Variants in HDAC4 observed in about 807,000 individuals in gnomAD.
The protein encoded by HDAC4 is histone deacetylase A.
HDAC4 carries 16 observed loss-of-function variants against 135.1 expected under a neutral mutation model. The observed-to-expected ratio is 0.12, with a 90% confidence interval of 0.08 to 0.18. HDAC4 has a LOEUF of 0.18. Among genes scored for constraint, HDAC4 ranks in the 10% least tolerant of loss-of-function variants. HDAC4 has a pLI of 1.00. For missense variants in HDAC4, 1,143 were observed against 1,511.8 expected, an observed-to-expected ratio of 0.76 and a Z score of 4.05; for synonymous variants, 685 against 653.4, an observed-to-expected ratio of 1.05 and a Z score of -0.74.
At chr2:239,266,807 T>C (rs2049759870) in intron 2 of HDAC4, among the ~76,000 whole-genome samples, 1 of 152,060 alleles carries the variant, frequency 6.6e-6, no homozygotes, top group Non-Finnish European at 1.5e-5. Context: ...ACTGACGGTG[T>C]CTACAAGGCA....
Position 239,134,267 on chromosome 2 carries a change from C to T in HDAC4, c.1272G>A (p.Pro424=), listed in dbSNP as rs758778695. ...CACCTGTGACGAGGGGTGCTTGTGC[C>T]GGCGGCTGCTCCAGTAAGACCATGT... ...LQHMVLLEQP[P]AQAPLVTDWY... is the part of the protein sequence containing the mutation. Residue 424 remains proline (P), a synonymous_variant, in exon 11 of 27, where the codon CCG becomes CCA. Coordinates refer to ENST00000543185, the MANE Select transcript of HDAC4 (RefSeq NM_001378414.1). 2.2e-5 allele frequency: 36 copies of T among 1,611,972 alleles called. No individual in the cohort carries two copies. The highest frequency in any genetic ancestry group is 1.8e-4 in the South Asian group (16 of 91,078).
chr2:239,210,909 G>A (rs1050798610), intron 3 of HDAC4, among the ~76,000 whole-genome samples: 1 of 152,112 alleles, frequency 6.6e-6, no homozygotes, highest in Non-Finnish European at 1.5e-5. Context: ...CTATTCCTTC[G>A]CCGGCCAACT....
intron 9 of HDAC4, among the ~76,000 whole-genome samples, chr2:239,136,255 C>T (rs924597678): frequency 1.3e-5 from 2 of 152,172 alleles, no homozygotes; most frequent in Non-Finnish European, 2.9e-5. Context: ...ATGACAGCAA[C>T]GTTTTTAGCT....
intron 2 of HDAC4, among the ~76,000 whole-genome samples, chr2:239,267,935 T>G (rs1013802352): frequency 4.6e-5 from 7 of 152,232 alleles, no homozygotes; most frequent in Non-Finnish European, 8.8e-5. Flanking sequence ...TAAGAATGAG[T>G]GCACTTTCCT....
chr2:239,193,883 T>A (rs1054902906), intron 3 of HDAC4, among the ~76,000 whole-genome samples: 8 of 152,240 alleles, frequency 5.3e-5, no homozygotes, highest in Non-Finnish European at 1.2e-4. Flanking sequence ...CCAAAGCATC[T>A]AATAGAGATG....
At chr2:239,094,321 C>T (rs1171135729) in intron 17 of HDAC4, 1 of 985,342 alleles carries the variant, frequency 1.0e-6, no homozygotes, top group Non-Finnish European at 1.2e-6. Flanking sequence ...GATTGCAAGA[C>T]CTGACCCTTC....
chr2:239,103,474 T>C (rs1342155847), intron 15 of HDAC4, among the ~76,000 whole-genome samples: 1 of 152,214 alleles, frequency 6.6e-6, no homozygotes, highest in African/African-American at 2.4e-5. Flanking sequence ...CACAGGAAAA[T>C]TAGTGTTCTT....
chr2:239,329,489 C>CACACCCCTCCTCCCACCGGG (rs549579983), intron 2 of HDAC4, among the ~76,000 whole-genome samples: 6,791 of 134,912 alleles, frequency 0.05, 261 homozygotes, highest in Non-Finnish European at 0.067. Flanking sequence ...CAGCTTTCTG[C>CACACCCCTCCTCCCACCGGG]ACACCCCTCC....
At chr2:239,128,685 C>T (rs974804619) in intron 11 of HDAC4, among the ~76,000 whole-genome samples, 2 of 152,192 alleles carry the variant, frequency 1.3e-5, no homozygotes, top group Non-Finnish European at 1.5e-5. Context: ...AAAGGTCTCT[C>T]CTCGGAAAGC....
rs772811840 is a variant in HDAC4 at position 239,068,654 on chromosome 2, C to T, written c.2751-47G>A. ...GTTACTGGGTCAGCTGAAAGAGGGACGGGACGGTCACAAAACCCCAAGGTT... is the reference window on the plus strand; with the variant it reads ...GTTACTGGGTCAGCTGAAAGAGGGATGGGACGGTCACAAAACCCCAAGGTT... On this transcript the variant is annotated intron_variant, in intron 22 of 26. Transcript: ENST00000543185. This position sits in a 1 kb window ranked among gnomAD's most constrained non-coding sequence, Gnocchi z 4.4. 31 of 1,514,696 alleles carry T rather than the reference C, an allele frequency of 2.0e-5. No homozygotes were observed. The highest frequency in any genetic ancestry group is 3.4e-5 in the South Asian group (3 of 89,120). 93.8% of individuals were successfully genotyped at this position (1,514,696 alleles called of 1,614,324 possible).
intron 1 of HDAC4, among the ~76,000 whole-genome samples, chr2:239,386,424 T>C (rs2126082550): frequency 6.6e-6 from 1 of 151,310 alleles, no homozygotes; most frequent in Non-Finnish European, 1.5e-5. Flanking sequence ...ATGACAGAGG[T>C]TCAAAACCAC....
At chr2:239,154,306 C>T (rs55875066) in intron 7 of HDAC4, among the ~76,000 whole-genome samples, 9,884 of 152,186 alleles carry the variant, frequency 0.065, 434 homozygotes, top group Non-Finnish European at 0.1. Context: ...CCACAGCCAT[C>T]ACTCCCAGGA....
At chr2:239,236,692 A>G in intron 2 of HDAC4, 28 bp from the exon 3 acceptor site, 2 of 1,529,230 alleles carry the variant, frequency 1.3e-6, no homozygotes, top group Non-Finnish European at 1.8e-6. Flanking sequence ...CACTGGCTTC[A>G]GAAACTGCGC....
In HDAC4 at chr2:239,173,659, C is replaced by T. The variant is rs184928539; in HGVS notation, c.490+2754G>A. Among the ~76,000 whole-genome samples, 5 of 152,264 alleles carry T rather than the reference C, an allele frequency of 3.3e-5. No individual in the cohort carries two copies. The East Asian group carries it at 7.7e-4, about 24-fold the overall frequency. The stretch of plus-strand genomic sequence containing the variant: ...TTTGATACTATATTGGCAATCTCAG[C>T]CCATTCTATATAATAAGCAAGTAAA... On this transcript the variant is annotated intron_variant, in intron 5 of 26. Coordinates refer to ENST00000543185, the MANE Select transcript of HDAC4 (RefSeq NM_001378414.1).
At chr2:239,203,874 C>T (rs1382858212) in intron 3 of HDAC4, among the ~76,000 whole-genome samples, 1 of 152,220 alleles carries the variant, frequency 6.6e-6, no homozygotes, top group African/African-American at 2.4e-5. Flanking sequence ...CTCAGAAACA[C>T]TCCCGCTTCA....
intron 3 of HDAC4, among the ~76,000 whole-genome samples, chr2:239,208,326 CAAA>C (rs759398313): frequency 6.2e-4 from 42 of 68,220 alleles, no homozygotes; most frequent in African/African-American, 4.3e-3. Flanking sequence ...GACTCCGTCC[CAAA>C]AAAAAAAAAA....
intron 2 of HDAC4, among the ~76,000 whole-genome samples, chr2:239,292,790 C>G (rs1379723241): frequency 6.6e-6 from 1 of 152,120 alleles, no homozygotes; most frequent in Non-Finnish European, 1.5e-5. Flanking sequence ...TCTCTTTCAC[C>G]AGGTCTCTCA....
intron 1 of HDAC4, among the ~76,000 whole-genome samples, chr2:239,375,459 C>G (rs1218395477): frequency 1.3e-5 from 2 of 152,182 alleles, no homozygotes; most frequent in Non-Finnish European, 2.9e-5. Context: ...ATGTGTGAAG[C>G]GAAGCCCCTG....
intron 3 of HDAC4, among the ~76,000 whole-genome samples, chr2:239,200,777 C>A (rs1375190550): frequency 6.6e-6 from 1 of 151,896 alleles, no homozygotes; most frequent in Non-Finnish European, 1.5e-5. Context: ...GCGTCACAGG[C>A]AGATTGCATT....
Sources: gnomAD v4.1 joint callset for allele counts (sites outside exome capture counted in the v4.1 genomes callset) on GRCh38, gnomAD v4.1.1 for gene constraint, Gnocchi (gnomAD v3.1) non-coding constraint, MANE v1.5 for transcripts, NCBI Gene and HGNC (gene_info 2026-07-23, HGNC 2026-07-21) for gene names.